The following UTRN variants were observed in gnomAD, a reference collection of about 807,000 sequenced individuals.
The protein encoded by UTRN is dystrophin-related protein 1.
UTRN carries 283 observed loss-of-function variants against 463.9 expected under a neutral mutation model. The ratio of observed to expected loss-of-function variants is 0.61; its 90% CI spans 0.55 to 0.67. The LOEUF is 0.67. Among genes scored for constraint, UTRN ranks in the 30% least tolerant of loss-of-function variants. UTRN has a pLI of 0.00. For synonymous variants in UTRN, 1,442 were observed against 1,431.5 expected, an observed-to-expected ratio of 1.01 and a Z score of -0.17; for missense variants, 3,922 against 4,084.3, an observed-to-expected ratio of 0.96 and a Z score of 1.08.
Position 144,451,440 on chromosome 6 carries a change from A to G in UTRN, c.2143A>G (p.Ile715Val), listed in dbSNP as rs1788292370. The part of the protein sequence containing the change: ...KWKTAIQTTE[I>V]KEYMKMQDTS... ...GAAAACTGCCATTCAGACCACAGAG[A>G]TAAAAGAGTATATGAAGATGCAAGA... Residue 715 changes from isoleucine to valine, a missense_variant, in exon 18 of 75, where the codon ATA (isoleucine) becomes GTA (valine). Coordinates refer to ENST00000367545, the MANE Select transcript of UTRN (RefSeq NM_007124.3). The G allele has an allele frequency of 1.2e-6, 2 of 1,613,358 alleles. No homozygotes were observed. Among genetic ancestry groups the G allele is most frequent in the South Asian group, 2.2e-5 (2 of 91,064 alleles).
chr6:144,294,308 TG>T (rs908094198), intron 2 of UTRN, among the ~76,000 whole-genome samples: 2 of 152,206 alleles, frequency 1.3e-5, no homozygotes, highest in Non-Finnish European at 2.9e-5. Flanking sequence ...TGGATTTGAA[TG>T]GACCCATTAG....
chr6:144,407,597 A>G lies in UTRN; in HGVS notation c.141+4413A>G, dbSNP rs138551807. On this transcript the variant is annotated intron_variant, in intron 3 of 74. Coordinates refer to ENST00000367545, the MANE Select transcript of UTRN (RefSeq NM_007124.3). Reference sequence around the variant, plus strand: ...ACAATTCTTCACATAGGGTCTAACTATTAAATTCACTGTGAAGAAAAATAA... The same window carrying G: ...ACAATTCTTCACATAGGGTCTAACTGTTAAATTCACTGTGAAGAAAAATAA... Among the ~76,000 whole-genome samples, 14 of 152,372 alleles carry G rather than the reference A, an allele frequency of 9.2e-5. No individual in the cohort carries two copies. In the East Asian group the frequency reaches 2.5e-3, roughly 27 times the overall value.
chr6:144,444,371 T>C lies in UTRN; in HGVS notation c.1603T>C (p.Leu535=), dbSNP rs1409074808. 3.7e-6 allele frequency: 6 copies of C among 1,608,496 alleles called. No homozygotes were observed. The highest frequency in any genetic ancestry group is 1.3e-5 in the African/African-American group (1 of 74,936). Residue 535 remains leucine, a synonymous_variant, in exon 14 of 75, where the codon TTG becomes CTG. Coordinates refer to ENST00000367545, the MANE Select transcript of UTRN (RefSeq NM_007124.3). ...AATCAATATATTGTGGCAGGAATTA[T>C]TGGAAGAACAGGTATGAAACTGTTT... is the stretch of plus-strand genomic sequence containing the variant. ...QEINILWQEL[L]EEQCLLKAWL...
At position 144,416,038 on chromosome 6, in the gene UTRN, GATGTGTGTGTGTGT is replaced by G. The variant is rs1378582138; in HGVS notation, c.142-5825_142-5812del. 1.6e-4 allele frequency among the ~76,000 whole-genome samples: 24 copies of G among 151,798 alleles called. No individual in the cohort carries two copies. The East Asian group carries it at 2.5e-3, about 16-fold the overall frequency. On this transcript the variant is annotated intron_variant, in intron 3 of 74. Coordinates refer to ENST00000367545, the MANE Select transcript of UTRN (RefSeq NM_007124.3). ...AATTAATCATATTCTGTAGTCCGTG[GATGTGTGTGTGTGT>G]ATGTGTGTGTGTGTGTGTGTGGGTG...
At chr6:144,477,958 T>C (rs1196084457) in intron 25 of UTRN, among the ~76,000 whole-genome samples, 1 of 152,196 alleles carries the variant, frequency 6.6e-6, no homozygotes, top group Non-Finnish European at 1.5e-5. Context: ...TGTGAATTAC[T>C]GATTCAAAAT....
At chr6:144,524,325 C>T (rs1796370850) in intron 41 of UTRN, among the ~76,000 whole-genome samples, 2 of 152,014 alleles carry the variant, frequency 1.3e-5, no homozygotes, top group South Asian at 4.1e-4. Context: ...AAAATAATGA[C>T]ATTTTAAACC....
chr6:144,608,128 A>G (rs1309505284), intron 51 of UTRN, among the ~76,000 whole-genome samples: 1 of 152,202 alleles, frequency 6.6e-6, no homozygotes, highest in Non-Finnish European at 1.5e-5. Context: ...ATTAACATTT[A>G]AATCAGTCAA....
chr6:144,822,460 T>A (rs911562396), intron 66 of UTRN, among the ~76,000 whole-genome samples: 1 of 152,180 alleles, frequency 6.6e-6, no homozygotes, highest in African/African-American at 2.4e-5. Flanking sequence ...ATTACTGTGC[T>A]TGATATCAAA....
In UTRN at chr6:144,448,841, G is replaced by T. The variant is rs1392570943; in HGVS notation, c.2072+72G>T. On this transcript the variant is annotated intron_variant, in intron 17 of 74. Transcript: ENST00000367545. ...ATATTTTCTACTTGGTGCCTATTTT[G>T]TACTAATCATTAATCATAGGCAAAT... is the stretch of plus-strand genomic sequence containing the variant. The T allele has an allele frequency of 6.0e-6, 9 of 1,506,320 alleles. 1 individual carries two copies. Among genetic ancestry groups the T allele is most frequent in the African/African-American group, 4.2e-5 (3 of 71,260 alleles). The allele number at this position is 1,506,320 out of a possible 1,614,324, so 93.3% of individuals were successfully genotyped here.
At chr6:144,572,129 A>C (rs1354085404) in intron 50 of UTRN, among the ~76,000 whole-genome samples, 1 of 152,196 alleles carries the variant, frequency 6.6e-6, no homozygotes, top group Non-Finnish European at 1.5e-5. Context: ...ACAGGAATAC[A>C]GAGTGGTGGC....
At chr6:144,797,157 G>C (rs1353019626) in intron 63 of UTRN, among the ~76,000 whole-genome samples, 1 of 151,258 alleles carries the variant, frequency 6.6e-6, no homozygotes, top group Non-Finnish European at 1.5e-5. Flanking sequence ...TTATCGGTGA[G>C]TCTTTCACAA....
chr6:144,331,081 G>A (rs1306798602), intron 2 of UTRN: 5 of 926,040 alleles, frequency 5.4e-6, no homozygotes, highest in Non-Finnish European at 5.2e-6. Flanking sequence ...AAAGGAAGCC[G>A]AGGCATGACT....
chr6:144,325,796 A>G (rs189653787), intron 2 of UTRN, among the ~76,000 whole-genome samples: 57 of 152,288 alleles, frequency 3.7e-4, no homozygotes, highest in Admixed American at 2.0e-3. Flanking sequence ...GGAAGGAGCC[A>G]CTTAGGGGAA....
At chr6:144,516,095 A>T in intron 37 of UTRN, 134 bp from the exon 38 acceptor site, 1 of 891,694 alleles carries the variant, frequency 1.1e-6, no homozygotes, top group Non-Finnish European at 1.7e-6. Context: ...AATGAATGAA[A>T]CAAAAGTTAG....
chr6:144,720,728 T>G (rs530969614), intron 53 of UTRN, among the ~76,000 whole-genome samples: 5 of 152,324 alleles, frequency 3.3e-5, no homozygotes, highest in African/African-American at 7.2e-5. Flanking sequence ...CTAAGCTAGT[T>G]ACAATTTTTT....
chr6:144,591,787 T>C (rs1301364475), intron 51 of UTRN, among the ~76,000 whole-genome samples: 1 of 152,112 alleles, frequency 6.6e-6, no homozygotes, highest in Non-Finnish European at 1.5e-5. Flanking sequence ...TAGTATTAAT[T>C]ATAGCCGGAA....
At chr6:144,619,027 T>G (rs1210094627) in intron 51 of UTRN, among the ~76,000 whole-genome samples, 1 of 152,180 alleles carries the variant, frequency 6.6e-6, no homozygotes, top group Non-Finnish European at 1.5e-5. Flanking sequence ...ATCTTTTAAA[T>G]AGAATCATTC....
chr6:144,485,838 A>G (rs572848449), intron 28 of UTRN, among the ~76,000 whole-genome samples: 1 of 152,342 alleles, frequency 6.6e-6, no homozygotes, highest in South Asian at 2.1e-4. Context: ...TATTAGGACA[A>G]CTGCTCTCTT....
chr6:144,547,567 C>T (rs371555958), intron 46 of UTRN, among the ~76,000 whole-genome samples: 1 of 152,266 alleles, frequency 6.6e-6, no homozygotes, highest in African/African-American at 2.4e-5. Context: ...CCTGCTGCAG[C>T]CGTGGTGACT....
Sources: allele counts gnomAD v4.1 joint callset (sites outside exome capture counted in the v4.1 genomes callset), GRCh38; gene constraint gnomAD v4.1.1; transcripts MANE v1.5; gene names NCBI Gene and HGNC (gene_info 2026-07-23, HGNC 2026-07-21).